The following KCNS3 variants were observed in gnomAD, a reference collection of about 807,000 sequenced individuals.
KCNS3 encodes potassium voltage-gated channel modifier subfamily S member 3.
A neutral mutation model predicts 31.0 loss-of-function variants in KCNS3; 13 were observed. The observed-to-expected ratio is 0.42, with a 90% CI of 0.27 to 0.67. The LOEUF (loss-of-function observed/expected upper bound fraction) is 0.67, where lower values mean the gene tolerates loss of function less well. KCNS3 is among the 30% of genes least tolerant of loss of function. KCNS3 has a pLI of 0.25. For missense variants in KCNS3, 545 were observed against 622.4 expected (o/e 0.88, Z 1.32); for synonymous variants, 238 against 241.5 (o/e 0.99, Z 0.13).
chr2:17,930,336 G>A (rs902022960), intron 2 of KCNS3, among the ~76,000 whole-genome samples: 3 of 152,190 alleles, frequency 2.0e-5, no homozygotes, highest in Admixed American at 6.5e-5. Flanking sequence ...TTAAGCACAG[G>A]GAGATAATTA....
At chr2:17,923,435 C>G (rs1459286567) in intron 2 of KCNS3, among the ~76,000 whole-genome samples, 4 of 151,838 alleles carry the variant, frequency 2.6e-5, no homozygotes, top group Non-Finnish European at 4.4e-5. Context: ...TGATACTTGT[C>G]CTTTGAATTG....
At chr2:17,902,055 A>C (rs1038059824) in intron 1 of KCNS3, among the ~76,000 whole-genome samples, 1 of 152,138 alleles carries the variant, frequency 6.6e-6, no homozygotes, top group African/African-American at 2.4e-5. Context: ...ACAGAGTTTC[A>C]CAGAAAACTA....
intron 1 of KCNS3, among the ~76,000 whole-genome samples, chr2:17,900,543 G>A (rs1662150173): frequency 6.6e-6 from 1 of 152,128 alleles, no homozygotes; most frequent in Admixed American, 6.5e-5. Context: ...AGGCTGGAGT[G>A]CAGTGACGTG....
rs1239392170 is a variant in KCNS3, at chr2:17,931,769, C to T, written c.761C>T (p.Pro254Leu). Reference sequence around the variant, plus strand: ...TGTCAAAAGAAATTCTGGAAAAACCCTCTGAACATCATTGACTTTGTCTCT... The same window carrying T: ...TGTCAAAAGAAATTCTGGAAAAACCTTCTGAACATCATTGACTTTGTCTCT... ...APCQKKFWKN[P>L]LNIIDFVSII... Residue 254 changes from proline to leucine, a missense_variant, in exon 3 of 3, where the codon CCT becomes CTT. Pro to Leu is a moderately conservative substitution (Grantham distance 98, BLOSUM62 -3). Transcript: ENST00000304101. The surrounding 1 kb of genome is among the most constrained non-coding windows in gnomAD (Gnocchi z 5.4). 1.2e-6 allele frequency: 2 copies of T among 1,613,984 alleles called. No homozygotes were observed. Among genetic ancestry groups the T allele is most frequent in the Non-Finnish European group, 1.7e-6 (2 of 1,179,974 alleles).
rs757706180 is a variant in KCNS3, at chr2:17,932,186, G to C, written c.1178G>C (p.Cys393Ser). 6.2e-7 allele frequency: 1 copy of C among 1,613,916 alleles called. No homozygotes were observed. The highest frequency in any genetic ancestry group is 8.5e-7 in the Non-Finnish European group (1 of 1,179,970). The change falls in exon 3 of 3, where the codon TGT (cysteine) becomes TCT (serine). Residue 393 changes from cysteine (C) to serine (S), a missense_variant. Coordinates refer to ENST00000304101, the MANE Select transcript of KCNS3 (RefSeq NM_002252.5). ...GKLIASTCII[C>S]GILVVALPIT... ...CTCATCGCCAGCACATGCATCATCTGTGGCATCTTGGTGGTGGCCCTTCCC... is the reference window on the plus strand; with the variant it reads ...CTCATCGCCAGCACATGCATCATCTCTGGCATCTTGGTGGTGGCCCTTCCC...
At chr2:17,919,074 T>C (rs183780269) in intron 2 of KCNS3, among the ~76,000 whole-genome samples, 1 of 152,364 alleles carries the variant, frequency 6.6e-6, no homozygotes, top group East Asian at 1.9e-4. Context: ...CTTTGCTTTT[T>C]ACAAAGAGGA....
chr2:17,881,804 A>G (rs987031611), intron 1 of KCNS3, among the ~76,000 whole-genome samples: 4 of 152,206 alleles, frequency 2.6e-5, no homozygotes, highest in African/African-American at 9.6e-5. Context: ...GGGGGCTTAC[A>G]GTTACCAAGT....
chr2:17,931,882 C>G lies in KCNS3; in HGVS notation c.874C>G (p.Leu292Val). 6.2e-7 allele frequency: 1 copy of G among 1,614,160 alleles called. No homozygotes were observed. Among genetic ancestry groups the G allele is most frequent in the South Asian group, 1.1e-5 (1 of 91,078 alleles). The change falls in exon 3 of 3, where the codon CTA (leucine) becomes GTA (valine). Residue 292 changes from leucine (L) to valine (V), a missense_variant. Transcript: ENST00000304101. The surrounding 1 kb of genome is among the most constrained non-coding windows in gnomAD (Gnocchi z 5.4). ...GAACATGGGCAAGGTGGTCCAGATCCTACGGCTTATGAGGATTTTCCGAAT... is the reference window on the plus strand; with the variant it reads ...GAACATGGGCAAGGTGGTCCAGATCGTACGGCTTATGAGGATTTTCCGAAT... Reference protein sequence around the residue: ...IENMGKVVQILRLMRIFRILK... With the variant: ...IENMGKVVQIVRLMRIFRILK...
rs563371571 is a variant in KCNS3 at position 17,894,830 on chromosome 2, C to T, written c.-252+16024C>T. On this transcript the variant is annotated intron_variant, in intron 1 of 2. Coordinates refer to ENST00000304101, the MANE Select transcript of KCNS3 (RefSeq NM_002252.5). ...AGGGTGTGGGTGTTCTTCCAAAGAC[C>T]TCCTTTGCTTCCTCAGCTCAATTCT... 1.4e-4 allele frequency among the ~76,000 whole-genome samples: 21 copies of T among 152,316 alleles called. No homozygotes were observed. In the South Asian group the frequency reaches 3.3e-3, roughly 24 times the overall value.
Position 17,884,221 on chromosome 2 carries a change from G to A in KCNS3, c.-252+5415G>A, listed in dbSNP as rs867613415. 5.8e-4 allele frequency among the ~76,000 whole-genome samples: 80 copies of A among 138,458 alleles called. No homozygotes were observed. In the Middle Eastern group the frequency reaches 0.016, roughly 28 times the overall value. 90.8% of individuals were successfully genotyped at this position (138,458 alleles called of 152,430 possible). On this transcript the variant is annotated intron_variant, in intron 1 of 2. Coordinates refer to ENST00000304101, the MANE Select transcript of KCNS3 (RefSeq NM_002252.5). ...GTATACATATGTAACAAACCTGCAC[G>A]TTGTGCACATGTACCCTAGAACTTA...
chr2:17,911,159 C>T (rs1305737367), intron 1 of KCNS3, among the ~76,000 whole-genome samples: 3 of 152,234 alleles, frequency 2.0e-5, no homozygotes, highest in African/African-American at 7.2e-5. Flanking sequence ...AATACCGTCT[C>T]TGTACCTTTT....
At chr2:17,911,201 T>A (rs1465160289) in intron 1 of KCNS3, among the ~76,000 whole-genome samples, 2 of 152,228 alleles carry the variant, frequency 1.3e-5, no homozygotes, top group Non-Finnish European at 2.9e-5. Context: ...GACCTTGTAT[T>A]GCCGTTATTT....
intron 1 of KCNS3, among the ~76,000 whole-genome samples, chr2:17,909,974 G>C (rs1662433485): frequency 6.6e-6 from 1 of 152,230 alleles, no homozygotes; most frequent in Non-Finnish European, 1.5e-5. Context: ...AGGATCTCTA[G>C]CTAAAGGATT....
chr2:17,886,092 T>G (rs1288111305), intron 1 of KCNS3, among the ~76,000 whole-genome samples: 3 of 152,192 alleles, frequency 2.0e-5, no homozygotes, highest in Non-Finnish European at 4.4e-5. Flanking sequence ...ATCAGTCAAG[T>G]CATTTGCTGC....
chr2:17,909,863 A>C (rs968288768), intron 1 of KCNS3, among the ~76,000 whole-genome samples: 3 of 152,132 alleles, frequency 2.0e-5, no homozygotes, highest in African/African-American at 7.2e-5. Flanking sequence ...CAGACAAATG[A>C]AGTTAGGGGA....
chr2:17,901,706 A>T (rs1464368534), intron 1 of KCNS3, among the ~76,000 whole-genome samples: 3 of 151,968 alleles, frequency 2.0e-5, no homozygotes, highest in Non-Finnish European at 4.4e-5. Flanking sequence ...GATGACACAA[A>T]GCTGGAGGCC....
In KCNS3 at chr2:17,886,386, T is replaced by A. The variant is rs561765349; in HGVS notation, c.-252+7580T>A. ...GTAGATTTGGATTGAGTGGAGATGT[T>A]GTAGCAAAGGCATTTCATTATTCTT... On this transcript the variant is annotated intron_variant, in intron 1 of 2. Transcript: ENST00000304101. Among the ~76,000 whole-genome samples the A allele has an allele frequency of 1.2e-4, 18 of 152,290 alleles. No individual in the cohort carries two copies. The South Asian group carries it at 3.7e-3, about 32-fold the overall frequency.
At chr2:17,892,093 C>A (rs1455139632) in intron 1 of KCNS3, among the ~76,000 whole-genome samples, 1 of 152,036 alleles carries the variant, frequency 6.6e-6, no homozygotes, top group Non-Finnish European at 1.5e-5. Flanking sequence ...TAACATAATC[C>A]CATACTTCTT....
intron 1 of KCNS3, among the ~76,000 whole-genome samples, chr2:17,883,580 G>C (rs1048171443): frequency 6.6e-6 from 1 of 152,170 alleles, no homozygotes; most frequent in African/African-American, 2.4e-5. Context: ...TTCATTTTGA[G>C]TGATAAAAGG....
Sources: allele counts gnomAD v4.1 joint callset (sites outside exome capture counted in the v4.1 genomes callset), GRCh38; gene constraint gnomAD v4.1.1; non-coding constraint Gnocchi (gnomAD v3.1); transcripts MANE v1.5; gene names NCBI Gene and HGNC (gene_info 2026-07-23, HGNC 2026-07-21).